LMX1B: variants seen among roughly 807,000 people sequenced by gnomAD.
The protein encoded by LMX1B is LIM homeobox transcription factor 1 beta.
A neutral mutation model predicts 51.4 loss-of-function variants in LMX1B; 12 were observed. The ratio of observed to expected loss-of-function variants is 0.23; its 90% CI spans 0.15 to 0.38. LMX1B has a LOEUF of 0.38. Among genes scored for constraint, LMX1B ranks in the 10% least tolerant of loss-of-function variants. LMX1B has a pLI of 1.00. For synonymous variants in LMX1B, 237 were observed against 235.4 expected, an observed-to-expected ratio of 1.01 and a Z score of -0.06; for missense variants, 445 against 571.1, an observed-to-expected ratio of 0.78 and a Z score of 2.25.
intron 2 of LMX1B, among the ~76,000 whole-genome samples, chr9:126,620,700 C>G (rs754897810): frequency 6.6e-6 from 1 of 151,998 alleles, no homozygotes; most frequent in Non-Finnish European, 1.5e-5. Flanking sequence ...GGAGGGTGGC[C>G]GGGTGTGCTG....
At chr9:126,692,899 G>C (rs1252039305) in intron 3 of LMX1B, among the ~76,000 whole-genome samples, 1 of 152,268 alleles carries the variant, frequency 6.6e-6, no homozygotes, top group Non-Finnish European at 1.5e-5. Context: ...GGATGAGGGA[G>C]TGAGGCGTGT....
intron 2 of LMX1B, among the ~76,000 whole-genome samples, chr9:126,650,197 C>A (rs1835973199): frequency 6.6e-6 from 1 of 152,182 alleles, no homozygotes; most frequent in Non-Finnish European, 1.5e-5. Context: ...TAGGAGACTT[C>A]AGATAAGGAG....
chr9:126,657,728 T>C (rs1588284867), intron 2 of LMX1B, among the ~76,000 whole-genome samples: 1 of 152,212 alleles, frequency 6.6e-6, no homozygotes. Flanking sequence ...CGGCCACTAG[T>C]GAGGACTTGC....
intron 2 of LMX1B, among the ~76,000 whole-genome samples, chr9:126,680,709 G>A (rs1046651196): frequency 2.0e-5 from 3 of 152,110 alleles, no homozygotes; most frequent in Admixed American, 6.5e-5. Flanking sequence ...AACGTTAGAT[G>A]AATGGGTGAA....
In LMX1B at chr9:126,673,252, C is replaced by CT. The variant is rs1836492372; in HGVS notation, c.327-17583dup. The stretch of plus-strand genomic sequence containing the variant: ...CCCAGACACCACAGGGAGCCCCTAC[C>CT]TAGGGAAAGGGCATTGAGGGGACCT... On this transcript the variant is annotated intron_variant, in intron 2 of 7. Transcript: ENST00000373474. The surrounding 1 kb of genome is among the most constrained non-coding windows in gnomAD (Gnocchi z 4.4). 6.6e-6 allele frequency among the ~76,000 whole-genome samples: 1 copy of CT among 152,140 alleles called. No individual in the cohort carries two copies. Among genetic ancestry groups the CT allele is most frequent in the Non-Finnish European group, 1.5e-5 (1 of 68,012 alleles).
At chr9:126,666,571 A>AAATAG (rs3983802) in intron 2 of LMX1B, among the ~76,000 whole-genome samples, 1 of 151,948 alleles carries the variant, frequency 6.6e-6, no homozygotes, top group Non-Finnish European at 1.5e-5. Context: ...CAGGTTGTTA[A>AAATAG]TAGCAATGCT....
intron 2 of LMX1B, among the ~76,000 whole-genome samples, chr9:126,627,358 G>A (rs1327606579): frequency 6.6e-6 from 1 of 152,064 alleles, no homozygotes; most frequent in East Asian, 1.9e-4. Flanking sequence ...TCTATGCAGT[G>A]ATAGAATGCC....
intron 2 of LMX1B, among the ~76,000 whole-genome samples, chr9:126,686,196 C>T (rs535787605): frequency 3.3e-5 from 5 of 149,626 alleles, no homozygotes; most frequent in South Asian, 2.1e-4. Flanking sequence ...AGGAGAACAG[C>T]GTGAACCCAG....
rs532892600 is a variant in LMX1B, at chr9:126,626,008, C to T, written c.326+10439C>T. Among the ~76,000 whole-genome samples, 10 of 152,394 alleles carry T rather than the reference C, an allele frequency of 6.6e-5. No individual in the cohort carries two copies. The South Asian group carries it at 2.1e-3, about 32-fold the overall frequency. On this transcript the variant is annotated intron_variant, in intron 2 of 7. Transcript: ENST00000373474. This position sits in a 1 kb window ranked among gnomAD's most constrained non-coding sequence, Gnocchi z 4.3. ...CAAAACCAACACCCAGAAACGAAGC[C>T]TGCGTGCCCCCGGGGGCTCCGTTTT...
At chr9:126,648,174 C>T (rs575293166) in intron 2 of LMX1B, among the ~76,000 whole-genome samples, 1 of 152,310 alleles carries the variant, frequency 6.6e-6, no homozygotes, top group Middle Eastern at 3.4e-3. Context: ...CCGTGGCAGG[C>T]GTGGACTCCA....
intron 2 of LMX1B, among the ~76,000 whole-genome samples, chr9:126,649,099 C>T (rs1835956047): frequency 6.6e-6 from 1 of 152,096 alleles, no homozygotes; most frequent in South Asian, 2.1e-4. Context: ...CTCCCTCTCC[C>T]TCACCTACAG....
intron 2 of LMX1B, among the ~76,000 whole-genome samples, chr9:126,676,214 C>T (rs1836558887): frequency 6.6e-6 from 1 of 152,182 alleles, no homozygotes; most frequent in Admixed American, 6.5e-5. Context: ...AGGACCTTTG[C>T]ACACAGTGTT....
chr9:126,670,628 C>T (rs180738763), intron 2 of LMX1B, among the ~76,000 whole-genome samples: 277 of 152,166 alleles, frequency 1.8e-3, no homozygotes, highest in African/African-American at 6.2e-3. Context: ...TGAGTGGACA[C>T]GGGTGAGGGC....
At chr9:126,666,776 C>G (rs535171392) in intron 2 of LMX1B, among the ~76,000 whole-genome samples, 1 of 152,200 alleles carries the variant, frequency 6.6e-6, no homozygotes, top group Non-Finnish European at 1.5e-5. Context: ...AGACAGGAGA[C>G]AGCAGAGGGG....
chr9:126,614,721 A>G (rs1161551349), intron 1 of LMX1B, 133 bp downstream of exon 1: 1 of 998,458 alleles, frequency 1.0e-6, no homozygotes, highest in Non-Finnish European at 1.4e-6. Flanking sequence ...CAGAGACAGG[A>G]CTCCTGGAGT....
intron 2 of LMX1B, among the ~76,000 whole-genome samples, chr9:126,644,133 G>A (rs1002511248): frequency 7.2e-5 from 11 of 152,198 alleles, no homozygotes; most frequent in Admixed American, 7.2e-4. Context: ...AACGGGGCTG[G>A]TGGGCCCGCG....
chr9:126,654,339 G>A (rs983334016), intron 2 of LMX1B, among the ~76,000 whole-genome samples: 3 of 152,194 alleles, frequency 2.0e-5, no homozygotes, highest in East Asian at 1.9e-4. Flanking sequence ...CTGATTTCAC[G>A]TATTGTCATG....
At chr9:126,680,363 A>C (rs895413593) in intron 2 of LMX1B, among the ~76,000 whole-genome samples, 1 of 152,226 alleles carries the variant, frequency 6.6e-6, no homozygotes, top group African/African-American at 2.4e-5. Context: ...GACACTAAGC[A>C]GCTGTGTACC....
intron 2 of LMX1B, among the ~76,000 whole-genome samples, chr9:126,619,135 C>T (rs1835361056): frequency 6.6e-6 from 1 of 152,352 alleles, no homozygotes; most frequent in East Asian, 1.9e-4. Flanking sequence ...TTGAGTTTCA[C>T]AGAAAGCCCT....
Sources: allele counts gnomAD v4.1 joint callset (sites outside exome capture counted in the v4.1 genomes callset), GRCh38; gene constraint gnomAD v4.1.1; non-coding constraint Gnocchi (gnomAD v3.1); transcripts MANE v1.5; gene names NCBI Gene and HGNC (gene_info 2026-07-23, HGNC 2026-07-21).